Variants in CLEC12A observed in about 807,000 individuals in gnomAD.
CLEC12A encodes the protein C-type lectin domain family 12 member A, also known as C-type lectin protein CLL-1.
A neutral mutation model predicts 26.5 loss-of-function variants in CLEC12A; 22 were observed. That is an observed-to-expected ratio of 0.83 (90% CI 0.59 to 1.19). The LOEUF (loss-of-function observed/expected upper bound fraction) is 1.19. Ranked by LOEUF, CLEC12A falls within the 50% of genes most tolerant of loss-of-function variation. The probability of loss-of-function intolerance (pLI) is 0.00; values close to 1 mark genes in which losing one functional copy is unlikely to be tolerated. For missense variants in CLEC12A, 353 were observed against 315.6 expected, an observed-to-expected ratio of 1.12 and a Z score of -0.90; for synonymous variants, 119 against 101.9, an observed-to-expected ratio of 1.17 and a Z score of -1.01.
Position 9,993,048 on chromosome 12 carries a change from G to C in CLEC12A, n.1005-1970G>C. 4 of 1,160,366 alleles carry C rather than the reference G, an allele frequency of 3.4e-6. No homozygotes were observed. The South Asian group carries it at 6.6e-5, about 19-fold the overall frequency. 71.9% of individuals were successfully genotyped at this position (1,160,366 alleles called of 1,614,324 possible). On this transcript the variant is annotated intron_variant and non_coding_transcript_variant, in intron 4 of 4. Coordinates refer to the CLEC12A transcript ENST00000449959. ...AAAATAACTCCAGTGAGAAGAAAGG[G>C]AGAAATAAGCAATTTTCAGCTACTG...
At chr12:9,980,415 G>A (rs1177192882) in intron 3 of CLEC12A, among the ~76,000 whole-genome samples, 167 bp from the exon 4 acceptor site, 1 of 148,982 alleles carries the variant, frequency 6.7e-6, no homozygotes, top group African/African-American at 2.5e-5. Flanking sequence ...TCCAGTTTGG[G>A]CAATAGAGCA....
At chr12:9,999,074 G>GGTGAT (rs1404318588), downstream of CLEC12A, 1 of 1,610,252 alleles carries the variant, frequency 6.2e-7, no homozygotes, top group Non-Finnish European at 8.5e-7. Context: ...TAATATTTAA[G>GGTGAT]GTGATGTATC....
At chr12:9,998,696 AAAT>A (rs1865113817), downstream of CLEC12A, among the ~76,000 whole-genome samples, 1 of 151,898 alleles carries the variant, frequency 6.6e-6, no homozygotes, top group Admixed American at 6.6e-5. Context: ...CCCATGCCAT[AAAT>A]AATTGCTTTA....
intron 4 of CLEC12A, 128 bp downstream of exon 4, chr12:9,980,861 A>G (rs1278584796): frequency 2.2e-6 from 2 of 904,334 alleles, no homozygotes; most frequent in East Asian, 5.4e-5. Flanking sequence ...AACTTTGTAC[A>G]CTTATCTCAA....
chr12:9,951,361 G>A (rs1167086674), intron 1 of CLEC12A: 5 of 702,870 alleles, frequency 7.1e-6, no homozygotes, highest in Non-Finnish European at 7.8e-6. Context: ...GGATAGGTGA[G>A]TGTCTTTTGT....
the CLEC12A span, among the ~76,000 whole-genome samples, chr12:10,001,905 A>T: frequency 7.8e-6 from 1 of 128,596 alleles, no homozygotes; most frequent in Admixed American, 8.8e-5. Flanking sequence ...TTTGAGACTG[A>T]GTCTTGCTCT....
chr12:9,969,047 A>C (rs1864038716), upstream of CLEC12A, among the ~76,000 whole-genome samples: 1 of 152,206 alleles, frequency 6.6e-6, no homozygotes, highest in South Asian at 2.1e-4. Flanking sequence ...AGCTAAAAGA[A>C]TGAATCTCAT....
At chr12:9,956,308 T>C (rs570329721) in intron 1 of CLEC12A, among the ~76,000 whole-genome samples, 1 of 152,352 alleles carries the variant, frequency 6.6e-6, no homozygotes, top group Admixed American at 6.5e-5. Flanking sequence ...ATTATTTCTT[T>C]AATCAATAAG....
chr12:9,965,309 G>A (rs1467778931), intron 1 of CLEC12A, among the ~76,000 whole-genome samples: 8 of 152,140 alleles, frequency 5.3e-5, no homozygotes, highest in Admixed American at 5.2e-4. Flanking sequence ...AGGGATTGGG[G>A]TTTGGGAAAT....
intron 5 of CLEC12A, 55 bp from the exon 6 acceptor site, chr12:9,984,815 G>T: frequency 7.3e-7 from 1 of 1,362,900 alleles, no homozygotes; most frequent in South Asian, 2.1e-5. Context: ...TTTTTTCTGT[G>T]AATATGTTTC....
chr12:9,968,443 T>A (rs1591819071), upstream of CLEC12A, among the ~76,000 whole-genome samples: 1 of 151,744 alleles, frequency 6.6e-6, no homozygotes, highest in African/African-American at 2.4e-5. Flanking sequence ...CAAAGGGGGG[T>A]TGTTCTCTGG....
At chr12:10,002,569 A>G in the CLEC12A span, among the ~76,000 whole-genome samples, 9 of 144,028 alleles carry the variant, frequency 6.2e-5, no homozygotes, top group African/African-American at 2.3e-4. Context: ...CAGCCTCCCA[A>G]GTAGTTGGGA....
chr12:9,964,241 AG>A (rs1863888412), intron 1 of CLEC12A, among the ~76,000 whole-genome samples: 1 of 152,188 alleles, frequency 6.6e-6, no homozygotes, highest in Non-Finnish European at 1.5e-5. Flanking sequence ...TGAGTTCATC[AG>A]GAGGGTAAAG....
downstream of CLEC12A, among the ~76,000 whole-genome samples, chr12:9,986,767 C>T (rs753605111): frequency 3.9e-5 from 6 of 152,146 alleles, no homozygotes; most frequent in Non-Finnish European, 7.4e-5. Flanking sequence ...GGTGAGATTG[C>T]ACCACTGCAC....
At chr12:9,979,097 G>A in intron 2 of CLEC12A, 33 bp downstream of exon 2, 1 of 1,519,566 alleles carries the variant, frequency 6.6e-7, no homozygotes. Flanking sequence ...TCAAGAGGAA[G>A]TATCTAGAAT....
downstream of CLEC12A, among the ~76,000 whole-genome samples, chr12:9,990,155 T>C (rs1448570789): frequency 3.9e-5 from 6 of 152,198 alleles, no homozygotes; most frequent in Non-Finnish European, 5.9e-5. Flanking sequence ...TAACACAGCA[T>C]CCTTTTCTGC....
downstream of CLEC12A, chr12:9,999,369 C>CTT (rs141897222): frequency 2.0e-5 from 6 of 293,932 alleles, no homozygotes; most frequent in East Asian, 5.7e-5. Context: ...TTGCTTCCTG[C>CTT]TTTTTTTTTA....
At chr12:9,967,459 G>T (rs937774894), upstream of CLEC12A, among the ~76,000 whole-genome samples, 1 of 152,116 alleles carries the variant, frequency 6.6e-6, no homozygotes, top group East Asian at 1.9e-4. Flanking sequence ...AGAAAATAAG[G>T]CATTTAGGTT....
At chr12:10,001,605 A>G in the CLEC12A span, among the ~76,000 whole-genome samples, 2 of 152,202 alleles carry the variant, frequency 1.3e-5, no homozygotes, top group Non-Finnish European at 1.5e-5. Flanking sequence ...CCTTGATAAC[A>G]TTGAGTTCTA....
Sources: allele counts gnomAD v4.1 joint callset (sites outside exome capture counted in the v4.1 genomes callset), GRCh38; gene constraint gnomAD v4.1.1; transcripts MANE v1.5; gene names NCBI Gene and HGNC (gene_info 2026-07-23, HGNC 2026-07-21).